The following COL19A1 variants were observed in gnomAD, a reference collection of about 807,000 sequenced individuals.
COL19A1 encodes the protein collagen alpha-1(XIX) chain.
Under a neutral mutation model 190.2 loss-of-function variants are expected in COL19A1, and 159 were observed. That is an observed-to-expected ratio of 0.84 (90% CI 0.73 to 0.95). The LOEUF is 0.95. COL19A1 is among the 40% of genes least tolerant of loss of function. COL19A1 has a pLI of 0.00. For missense variants in COL19A1, 1,418 were observed against 1,431.9 expected, an observed-to-expected ratio of 0.99 and a Z score of 0.16; for synonymous variants, 509 against 458.9, an observed-to-expected ratio of 1.11 and a Z score of -1.39.
chr6:70,187,274 TC>T (rs1562255500), intron 46 of COL19A1, among the ~76,000 whole-genome samples: 1 of 152,128 alleles, frequency 6.6e-6, no homozygotes, highest in East Asian at 1.9e-4. Flanking sequence ...TCAATGGTTC[TC>T]CCTTCTCACC....
intron 11 of COL19A1, 81 bp from the exon 12 acceptor site, chr6:70,023,546 C>T: frequency 8.7e-7 from 1 of 1,149,310 alleles, no homozygotes; most frequent in Non-Finnish European, 1.3e-6. Flanking sequence ...GTTATAAATA[C>T]CCAACCAACA....
chr6:70,122,059 T>G, intron 17 of COL19A1, 117 bp downstream of exon 17: 1 of 595,230 alleles, frequency 1.7e-6, no homozygotes, highest in Non-Finnish European at 2.9e-6. Flanking sequence ...TCACATGTAT[T>G]TAAACATCTT....
intron 49 of COL19A1, among the ~76,000 whole-genome samples, chr6:70,203,298 T>C (rs1430115974): frequency 2.6e-5 from 4 of 152,204 alleles, no homozygotes; most frequent in Admixed American, 6.5e-5. Flanking sequence ...ATCCATCGCA[T>C]GCACCCTGCA....
chr6:70,116,582 T>G (rs1784591353), intron 16 of COL19A1, among the ~76,000 whole-genome samples: 1 of 152,214 alleles, frequency 6.6e-6, no homozygotes, highest in South Asian at 2.1e-4. Context: ...TGACATTACC[T>G]TTTCCAACCA....
intron 34 of COL19A1, among the ~76,000 whole-genome samples, chr6:70,157,775 G>C (rs994160936): frequency 6.6e-6 from 1 of 152,078 alleles, no homozygotes; most frequent in Non-Finnish European, 1.5e-5. Context: ...CACAATAACT[G>C]ATTTTCATAG....
At chr6:69,981,928 C>T (rs1303987614) in intron 11 of COL19A1, among the ~76,000 whole-genome samples, 1 of 151,884 alleles carries the variant, frequency 6.6e-6, no homozygotes, top group African/African-American at 2.4e-5. Context: ...TCAAGAAAAG[C>T]ACAAGAGAAA....
rs1787052231 is a variant in COL19A1 at position 70,151,446 on chromosome 6, A to G, written c.2079+8A>G. 6.2e-7 allele frequency: 1 copy of G among 1,611,472 alleles called. No homozygotes were observed. Among genetic ancestry groups the G allele is most frequent in the Admixed American group, 1.7e-5 (1 of 59,844 alleles). Reference sequence around the variant, plus strand: ...ATCGGTGCTTTGCTCAAGGTACTCTATTGCTATGTAAGAAATTATGTGTTA... The same window carrying G: ...ATCGGTGCTTTGCTCAAGGTACTCTGTTGCTATGTAAGAAATTATGTGTTA... On this transcript the variant is annotated splice_region_variant and intron_variant, in intron 31 of 50. Transcript: ENST00000620364.
At chr6:70,148,899 C>T (rs573901755) in intron 27 of COL19A1, among the ~76,000 whole-genome samples, 1 of 149,642 alleles carries the variant, frequency 6.7e-6, no homozygotes, top group African/African-American at 2.5e-5. Flanking sequence ...TGTACTTCAG[C>T]CTGGGTGACA....
At chr6:70,176,808 G>T (rs1403404798) in intron 42 of COL19A1, among the ~76,000 whole-genome samples, 1 of 152,126 alleles carries the variant, frequency 6.6e-6, no homozygotes, top group Non-Finnish European at 1.5e-5. Context: ...TTCATGGAGG[G>T]GAGAGGAAAC....
At chr6:70,122,619 G>A (rs576446487) in intron 17 of COL19A1, among the ~76,000 whole-genome samples, 58 of 152,264 alleles carry the variant, frequency 3.8e-4, no homozygotes, top group African/African-American at 1.3e-3. Flanking sequence ...TCTGTCCACT[G>A]ATTAGGATAC....
At chr6:69,949,193 C>T (rs142565048) in intron 9 of COL19A1, among the ~76,000 whole-genome samples, 14 of 151,944 alleles carry the variant, frequency 9.2e-5, no homozygotes, top group Non-Finnish European at 1.8e-4. Context: ...TTACGTTTAA[C>T]TCTTGGTTCC....
chr6:69,945,651 T>C (rs1406256892), intron 9 of COL19A1, among the ~76,000 whole-genome samples: 2 of 151,992 alleles, frequency 1.3e-5, no homozygotes, highest in African/African-American at 4.8e-5. Context: ...ATTGAATATA[T>C]TGAAGTAATT....
Position 70,102,176 on chromosome 6 carries a change from G to A in COL19A1, c.1232G>A (p.Arg411Gln), listed in dbSNP as rs368176242. The change falls in exon 16 of 51, where the codon CGA becomes CAA. Residue 411 changes from arginine to glutamine, a missense_variant. Transcript: ENST00000620364. The part of the protein sequence containing the change: ...PPGKEGQRGR[R>Q]GKTGPPGKPG... The stretch of plus-strand genomic sequence containing the variant: ...TTCTTCTTTGGTTTCAAGGGAAGAC[G>A]AGGGAAAACAGGACCTCCCGGAAAA... 59 of 1,612,484 alleles carry A rather than the reference G, an allele frequency of 3.7e-5. No individual in the cohort carries two copies. The highest frequency in any genetic ancestry group is 1.3e-4 in the East Asian group (6 of 44,858).
At chr6:70,132,684 A>G (rs1421433999) in intron 18 of COL19A1, among the ~76,000 whole-genome samples, 1 of 152,170 alleles carries the variant, frequency 6.6e-6, no homozygotes, top group Non-Finnish European at 1.5e-5. Context: ...CTCAGGCTCC[A>G]TCCACAGAGA....
chr6:70,106,823 C>G (rs1784000898), intron 16 of COL19A1, among the ~76,000 whole-genome samples: 1 of 152,140 alleles, frequency 6.6e-6, no homozygotes, highest in Admixed American at 6.5e-5. Context: ...ACATAGAGAT[C>G]TCTTGGATTT....
rs560858765 is a variant in COL19A1, at chr6:69,906,971, C to A, written c.266+6633C>A. On this transcript the variant is annotated intron_variant, in intron 4 of 50. Coordinates refer to ENST00000620364, the MANE Select transcript of COL19A1 (RefSeq NM_001858.6). ...CTTTAACAGTTCCCTTGAAAATAATCCAAAATATGGACAAAACTGTCATAT... is the reference window on the plus strand; with the variant it reads ...CTTTAACAGTTCCCTTGAAAATAATACAAAATATGGACAAAACTGTCATAT... Among the ~76,000 whole-genome samples the A allele has an allele frequency of 9.2e-5, 14 of 152,094 alleles. No homozygotes were observed. The East Asian group carries it at 2.3e-3, about 25-fold the overall frequency.
At chr6:69,867,941 A>G (rs1269053568) in intron 1 of COL19A1, among the ~76,000 whole-genome samples, 1 of 151,904 alleles carries the variant, frequency 6.6e-6, no homozygotes, top group Non-Finnish European at 1.5e-5. Flanking sequence ...AGGGAAATAA[A>G]TTGCGCCACC....
intron 14 of COL19A1, among the ~76,000 whole-genome samples, chr6:70,066,039 A>G (rs1781171706): frequency 2.6e-5 from 4 of 152,302 alleles, no homozygotes; most frequent in South Asian, 4.1e-4. Flanking sequence ...AAGACAATGC[A>G]GCGATTCCTC....
chr6:69,954,692 A>G (rs1167830492), intron 9 of COL19A1, among the ~76,000 whole-genome samples: 2 of 152,054 alleles, frequency 1.3e-5, no homozygotes, highest in African/African-American at 2.4e-5. Context: ...AAACACAAAT[A>G]TTCAAGTTAT....
Sources: gnomAD v4.1 joint callset for allele counts (sites outside exome capture counted in the v4.1 genomes callset) on GRCh38, gnomAD v4.1.1 for gene constraint, MANE v1.5 for transcripts, NCBI Gene and HGNC (gene_info 2026-07-23, HGNC 2026-07-21) for gene names.